CWF19L2: variants seen among roughly 807,000 people sequenced by gnomAD.
The protein encoded by CWF19L2 is CWF19-like protein 2.
In CWF19L2, 98 loss-of-function variants were observed where a neutral mutation model predicts 111.7. That is an observed-to-expected ratio of 0.88 (90% CI 0.75 to 1.04). CWF19L2 has a LOEUF of 1.04. Among genes scored for constraint, CWF19L2 ranks in the 50% least tolerant of loss-of-function variants. The pLI, the probability that CWF19L2 is intolerant of heterozygous loss-of-function variation, is 0.00. For synonymous variants in CWF19L2, 351 were observed against 342.9 expected (o/e 1.02, Z -0.26); for missense variants, 1,101 against 1,051.4 (o/e 1.05, Z -0.65).
At chr11:107,327,295 C>T (rs1201117291) in intron 17 of CWF19L2, among the ~76,000 whole-genome samples, 1 of 151,994 alleles carries the variant, frequency 6.6e-6, no homozygotes. Flanking sequence ...CATTTTGTTG[C>T]TTATTAGCAC....
At chr11:107,424,094 T>C (rs1861340684) in intron 8 of CWF19L2, among the ~76,000 whole-genome samples, 2 of 151,770 alleles carry the variant, frequency 1.3e-5, no homozygotes, top group East Asian at 2.0e-4. Flanking sequence ...CTGGGAATCA[T>C]ATGTCAAAAA....
At chr11:107,457,316 GT>G (rs1372912792) in intron 1 of CWF19L2, among the ~76,000 whole-genome samples, 1 of 152,182 alleles carries the variant, frequency 6.6e-6, no homozygotes, top group African/African-American at 2.4e-5. Flanking sequence ...TGACTTGAAT[GT>G]GTTTCCGAAA....
In CWF19L2 at chr11:107,438,389, C is replaced by T. The variant is rs899262826; in HGVS notation, c.664+701G>A. The stretch of plus-strand genomic sequence containing the variant: ...TAATAGCACTCTCCTAAGGTCAATA[C>T]AAATTTTAAGAATTCTAGAAAAGCA... On this transcript the variant is annotated intron_variant, in intron 6 of 17. Transcript: ENST00000282251. Among the ~76,000 whole-genome samples the T allele has an allele frequency of 7.9e-5, 12 of 152,236 alleles. No individual in the cohort carries two copies. In the South Asian group the frequency reaches 1.9e-3, roughly 24 times the overall value.
At chr11:107,342,902 G>T (rs56393657) in intron 14 of CWF19L2, among the ~76,000 whole-genome samples, 40,267 of 151,942 alleles carry the variant, frequency 0.27, 5,588 homozygotes, top group Non-Finnish European at 0.31. Flanking sequence ...AAGCAGAGAC[G>T]GAAATGATGT....
chr11:107,369,571 T>C (rs1860479785), intron 12 of CWF19L2, among the ~76,000 whole-genome samples: 1 of 138,406 alleles, frequency 7.2e-6, no homozygotes, highest in Non-Finnish European at 1.6e-5. Context: ...GAATCCTGCC[T>C]CTTTTACTAC....
intron 12 of CWF19L2, among the ~76,000 whole-genome samples, chr11:107,355,784 T>C (rs1214908774): frequency 6.6e-6 from 1 of 152,208 alleles, no homozygotes; most frequent in Non-Finnish European, 1.5e-5. Flanking sequence ...ATCCCAACTG[T>C]AATCACAGAT....
At chr11:107,443,524 T>C (rs1403951165) in intron 3 of CWF19L2, among the ~76,000 whole-genome samples, 1 of 152,120 alleles carries the variant, frequency 6.6e-6, no homozygotes, top group Non-Finnish European at 1.5e-5. Flanking sequence ...ACCCACTAGT[T>C]TGAGTTAAGC....
chr11:107,349,207 C>T (rs1298939991), intron 13 of CWF19L2, among the ~76,000 whole-genome samples, 154 bp from the exon 14 acceptor site: 1 of 151,998 alleles, frequency 6.6e-6, no homozygotes, highest in East Asian at 1.9e-4. Context: ...ATTGCTTTTG[C>T]AAATGTTAAT....
intron 4 of CWF19L2, among the ~76,000 whole-genome samples, chr11:107,442,361 C>T (rs111700166): frequency 5.3e-5 from 8 of 152,112 alleles, no homozygotes; most frequent in East Asian, 1.9e-4. Context: ...TTCATTTATT[C>T]TCAAAAGTTG....
Position 107,392,834 on chromosome 11 carries a change from A to C in CWF19L2, c.1679T>G (p.Val560Gly), listed in dbSNP as rs1330961499. 3 of 1,595,920 alleles carry C rather than the reference A, an allele frequency of 1.9e-6. No homozygotes were observed. The African/African-American group carries it at 4.1e-5, about 22-fold the overall frequency. Reference protein sequence around the residue: ...RTDQSGRVWPVNTPGKSLESQ... With the variant: ...RTDQSGRVWPGNTPGKSLESQ... ...TTCCAGAGATTTTCCGGGTGTGTTCACAGGCCATACTCTTCCAGACTGATC... is the reference window on the plus strand; with the variant it reads ...TTCCAGAGATTTTCCGGGTGTGTTCCCAGGCCATACTCTTCCAGACTGATC... Residue 560 changes from valine (V) to glycine (G), a missense_variant, in exon 11 of 18, where the codon GTG becomes GGG. By Grantham distance (109) the Val-to-Gly change is moderately radical. Transcript: ENST00000282251.
intron 12 of CWF19L2, among the ~76,000 whole-genome samples, chr11:107,360,925 G>T (rs1158127799): frequency 6.6e-6 from 1 of 152,264 alleles, no homozygotes; most frequent in East Asian, 1.9e-4. Context: ...CTCGCACTGT[G>T]CAGGCTATCT....
intron 16 of CWF19L2, among the ~76,000 whole-genome samples, chr11:107,332,140 T>A (rs998762856): frequency 7.9e-5 from 12 of 152,256 alleles, no homozygotes; most frequent in African/African-American, 2.9e-4. Context: ...ACCCACATTC[T>A]CGTGAGAAGT....
chr11:107,372,965 G>A (rs1429398769), intron 12 of CWF19L2, among the ~76,000 whole-genome samples: 1 of 104,920 alleles, frequency 9.5e-6, no homozygotes, highest in African/African-American at 5.2e-5. Context: ...CTTGGGAAGT[G>A]CAAGGGGTCA....
chr11:107,332,188 G>T (rs1004533283), intron 16 of CWF19L2, among the ~76,000 whole-genome samples: 15 of 152,110 alleles, frequency 9.9e-5, no homozygotes, highest in African/African-American at 3.6e-4. Flanking sequence ...CTAAATGTTG[G>T]ATGTTTTTTC....
chr11:107,442,323 G>T (rs916001750), intron 4 of CWF19L2, among the ~76,000 whole-genome samples: 14 of 152,132 alleles, frequency 9.2e-5, no homozygotes, highest in Admixed American at 9.2e-4. Context: ...TTCTCCTGAA[G>T]AAATTTTAAT....
chr11:107,427,494 T>A (rs1014677654), intron 8 of CWF19L2, among the ~76,000 whole-genome samples: 1 of 152,060 alleles, frequency 6.6e-6, no homozygotes, highest in Non-Finnish European at 1.5e-5. Flanking sequence ...ACAACTTAAA[T>A]AAGACATACA....
Position 107,454,431 on chromosome 11 carries a change from A to G in CWF19L2, c.339+19T>C. 1 of 1,347,764 alleles carries G rather than the reference A, an allele frequency of 7.4e-7. No homozygotes were observed. The allele number at this position is 1,347,764 out of a possible 1,614,324, so 83.5% of individuals were successfully genotyped here. On this transcript the variant is annotated intron_variant, in intron 3 of 17. Coordinates refer to ENST00000282251, the MANE Select transcript of CWF19L2 (RefSeq NM_152434.3). ...ATGTTCTCAAATAGCTGCTTTGATT[A>G]ATTTTAGTACATACTTACTGATGAG...
intron 12 of CWF19L2, among the ~76,000 whole-genome samples, chr11:107,388,997 C>A (rs533444246): frequency 6.0e-4 from 91 of 152,276 alleles, no homozygotes; most frequent in African/African-American, 2.1e-3. Context: ...CTTTATTGCC[C>A]TCTTCCCCAA....
chr11:107,433,573 G>T, intron 7 of CWF19L2, 61 bp downstream of exon 7: 1 of 617,342 alleles, frequency 1.6e-6, no homozygotes. Context: ...CAAAGCTAAA[G>T]GCACTTAATT....
Sources: gnomAD v4.1 joint callset for allele counts (sites outside exome capture counted in the v4.1 genomes callset) on GRCh38, gnomAD v4.1.1 for gene constraint, MANE v1.5 for transcripts, NCBI Gene and HGNC (gene_info 2026-07-23, HGNC 2026-07-21) for gene names.